The following IFI27L1 variants were observed in gnomAD, a reference collection of about 807,000 sequenced individuals.
IFI27L1 encodes interferon alpha inducible protein 27 like 1.
Under a neutral mutation model 9.2 loss-of-function variants are expected in IFI27L1, and 3 were observed. The observed-to-expected ratio is 0.32, with a 90% confidence interval of 0.15 to 0.84. IFI27L1 has a LOEUF of 0.84. Among genes scored for constraint, IFI27L1 ranks in the 40% least tolerant of loss-of-function variants. IFI27L1 has a pLI of 0.56. For missense variants in IFI27L1, 133 were observed against 134.2 expected (o/e 0.99, Z 0.05); for synonymous variants, 53 against 50.0 (o/e 1.06, Z -0.26).
intron 2 of IFI27L1, 70 bp downstream of exon 2, chr14:94,097,035 C>T: frequency 7.8e-7 from 1 of 1,282,374 alleles, no homozygotes; most frequent in Non-Finnish European, 1.1e-6. Flanking sequence ...TCCCACTCTT[C>T]TGACACCAGA....
intron 2 of IFI27L1, chr14:94,097,730 G>A: frequency 1.4e-6 from 1 of 701,738 alleles, no homozygotes; most frequent in Non-Finnish European, 2.6e-6. Flanking sequence ...ACCATGTGGA[G>A]TCAAGGAGGA....
At chr14:94,088,304 G>A (rs1271241499) in intron 1 of IFI27L1, 1 of 702,314 alleles carries the variant, frequency 1.4e-6, no homozygotes, top group Admixed American at 2.0e-5. Flanking sequence ...GATGCAGAAG[G>A]TAAGTTTTCA....
chr14:94,084,860 G>T (rs1331483550), intron 1 of IFI27L1, among the ~76,000 whole-genome samples: 2 of 152,186 alleles, frequency 1.3e-5, no homozygotes, highest in East Asian at 3.8e-4. Context: ...AAGGACTCCA[G>T]CCCTTTCTCT....
intron 2 of IFI27L1, chr14:94,100,408 A>G: frequency 1.0e-6 from 1 of 985,374 alleles, no homozygotes; most frequent in African/African-American, 1.7e-5. Context: ...AGCCATTGTC[A>G]GATGTTCCTG....
In IFI27L1 at chr14:94,101,881, A is replaced by C. The variant is rs1430609681; in HGVS notation, c.129A>C (p.Ala43=). Reference sequence around the variant, plus strand: ...GCTTCACCTCAGTAGGAATCGCCGCATCCTCCATAGCAGCCAAGATGATGT... The same window carrying C: ...GCTTCACCTCAGTAGGAATCGCCGCCTCCTCCATAGCAGCCAAGATGATGT... ...AMGFTSVGIA[A]SSIAAKMMST... Residue 43 remains alanine (A), a synonymous_variant, in exon 4 of 5, where the codon GCA becomes GCC. Coordinates refer to ENST00000555523, the MANE Select transcript of IFI27L1 (RefSeq NM_206949.3). The C allele has an allele frequency of 6.2e-7, 1 of 1,614,226 alleles. No homozygotes were observed. Among genetic ancestry groups the C allele is most frequent in the Admixed American group, 1.7e-5 (1 of 60,030 alleles).
chr14:94,089,088 G>A (rs1171674345), intron 1 of IFI27L1: 1 of 152,056 alleles, frequency 6.6e-6, no homozygotes, highest in East Asian at 1.9e-4. Context: ...GCAGTGGTTG[G>A]GTCATGGCTC....
chr14:94,088,733 C>A lies in IFI27L1; in HGVS notation c.-52+7284C>A, dbSNP rs112296375. Among the ~76,000 whole-genome samples the A allele has an allele frequency of 3.3e-3, 507 of 152,272 alleles. 4 individuals carry two copies. The Middle Eastern group carries it at 0.058, about 17-fold the overall frequency. On this transcript the variant is annotated intron_variant, in intron 1 of 4. Coordinates refer to ENST00000555523, the MANE Select transcript of IFI27L1 (RefSeq NM_206949.3). ...ATACAAAATGTTACCTCCTTTAAAT[C>A]TTTTACTATTAGTAAGATTGACCAT...
At chr14:94,082,164 A>G (rs907874887) in intron 1 of IFI27L1, among the ~76,000 whole-genome samples, 2 of 152,212 alleles carry the variant, frequency 1.3e-5, no homozygotes, top group African/African-American at 4.8e-5. Context: ...TTTGGAGAAA[A>G]TTTTAGTGGT....
intron 2 of IFI27L1, chr14:94,097,639 G>T: frequency 1.4e-6 from 1 of 702,342 alleles, no homozygotes. Context: ...GACTGGAGCT[G>T]CAGAAGTATG....
chr14:94,087,889 T>C lies in IFI27L1; in HGVS notation c.-52+6440T>C, dbSNP rs183827055. 2.0e-5 allele frequency among the ~76,000 whole-genome samples: 3 copies of C among 152,298 alleles called. No individual in the cohort carries two copies. In the East Asian group the frequency reaches 5.8e-4, roughly 29 times the overall value. On this transcript the variant is annotated intron_variant, in intron 1 of 4. Transcript: ENST00000555523. ...CAAGAAGTAAAATTTCTAAACCAAA[T>C]AAGCTTTCACTACATGCTGTCAAAT...
chr14:94,082,241 G>A (rs1171571798), intron 1 of IFI27L1, among the ~76,000 whole-genome samples: 7 of 151,662 alleles, frequency 4.6e-5, no homozygotes, highest in Non-Finnish European at 1.0e-4. Context: ...GCAAGGCCCT[G>A]ATTCTCTTCT....
chr14:94,083,346 T>G (rs1315852761), intron 1 of IFI27L1, among the ~76,000 whole-genome samples: 1 of 152,256 alleles, frequency 6.6e-6, no homozygotes, highest in African/African-American at 2.4e-5. Flanking sequence ...CTGGGAACAC[T>G]GTTGAAATGA....
At chr14:94,101,127 C>T (rs1886879802) in intron 3 of IFI27L1, 1 of 461,840 alleles carries the variant, frequency 2.2e-6, no homozygotes, top group Non-Finnish European at 3.9e-6. Flanking sequence ...TGAGCTGTGT[C>T]TCATTCCTCA....
chr14:94,102,175 A>G lies in IFI27L1; in HGVS notation c.223+200A>G, dbSNP rs61585449. 1.1e-3 allele frequency: 694 copies of G among 630,602 alleles called. 3 individuals carry two copies. In the African/African-American group the frequency reaches 0.012, roughly 11 times the overall value. The allele number at this position is 630,602 out of a possible 1,614,324, so 39.1% of individuals were successfully genotyped here. ...ATCTGCATTCCTGGTGAACCCTACA[A>G]AACCCAGGCAGGTCTCCTCCCCTCT... On this transcript the variant is annotated intron_variant, in intron 4 of 4. Transcript: ENST00000555523.
intron 2 of IFI27L1, among the ~76,000 whole-genome samples, chr14:94,099,132 G>A (rs4275786): frequency 0.5 from 75,765 of 152,104 alleles, 20,325 homozygotes; most frequent in African/African-American, 0.71. Flanking sequence ...ATGCAGAAGC[G>A]AGGGAGGCAC....
At chr14:94,101,247 T>G in intron 3 of IFI27L1, 1 of 245,418 alleles carries the variant, frequency 4.1e-6, no homozygotes, top group Admixed American at 4.9e-5. Flanking sequence ...ATCATAATGT[T>G]TCTCTGTCAC....
intron 3 of IFI27L1, chr14:94,101,136 CA>C (rs1886880037): frequency 2.3e-6 from 1 of 438,716 alleles, no homozygotes; most frequent in East Asian, 3.6e-5. Context: ...TCTCATTCCT[CA>C]AAAGTATTTG....
intron 1 of IFI27L1, among the ~76,000 whole-genome samples, chr14:94,084,889 T>A (rs1013485118): frequency 2.0e-5 from 3 of 152,158 alleles, no homozygotes; most frequent in African/African-American, 2.4e-5. Flanking sequence ...GGAAATTGGG[T>A]TTTTTTACAT....
intron 1 of IFI27L1, among the ~76,000 whole-genome samples, chr14:94,093,231 A>G (rs1403738838): frequency 7.6e-6 from 1 of 130,802 alleles, no homozygotes; most frequent in Middle Eastern, 7.0e-3. Context: ...CAGTGGCATC[A>G]TCTCAGCTCA....
Sources: allele counts gnomAD v4.1 joint callset (sites outside exome capture counted in the v4.1 genomes callset), GRCh38; gene constraint gnomAD v4.1.1; transcripts MANE v1.5; gene names NCBI Gene and HGNC (gene_info 2026-07-23, HGNC 2026-07-21).